The following CA10 variants were observed in gnomAD, a reference collection of about 807,000 sequenced individuals.
The protein encoded by CA10 is carbonic anhydrase-related protein 10.
In CA10, 14 loss-of-function variants were observed where a neutral mutation model predicts 44.2. The ratio of observed to expected loss-of-function variants is 0.32; its 90% CI spans 0.21 to 0.50. CA10 has a LOEUF of 0.50. Ranked by LOEUF, CA10 falls within the 20% of genes least tolerant of loss-of-function variation. The pLI, the probability that CA10 is intolerant of heterozygous loss-of-function variation, is 0.99. For missense variants in CA10, 350 were observed against 409.7 expected, an observed-to-expected ratio of 0.85 and a Z score of 1.26; for synonymous variants, 159 against 141.6, an observed-to-expected ratio of 1.12 and a Z score of -0.87.
At chr17:52,027,424 C>A (rs1473897435) in intron 2 of CA10, among the ~76,000 whole-genome samples, 1 of 152,132 alleles carries the variant, frequency 6.6e-6, no homozygotes. Context: ...GACTGGCTTT[C>A]TTCTTGGAAT....
chr17:51,712,274 A>G (rs1434658809), intron 4 of CA10, among the ~76,000 whole-genome samples: 1 of 152,200 alleles, frequency 6.6e-6, no homozygotes, highest in African/African-American at 2.4e-5. Context: ...CTTGAGGTTC[A>G]GTCCCATCAG....
intron 3 of CA10, among the ~76,000 whole-genome samples, chr17:51,784,730 G>A (rs1906194662): frequency 6.6e-6 from 1 of 152,198 alleles, no homozygotes; most frequent in Non-Finnish European, 1.5e-5. Flanking sequence ...ATCACATCAT[G>A]GAGAACGGAG....
Position 52,040,070 on chromosome 17 carries a change from G to A in CA10, c.136+32249C>T, listed in dbSNP as rs142895965. Among the ~76,000 whole-genome samples, 21 of 151,964 alleles carry A rather than the reference G, an allele frequency of 1.4e-4. No homozygotes were observed. The East Asian group carries it at 4.1e-3, about 30-fold the overall frequency. On this transcript the variant is annotated intron_variant, in intron 2 of 8. Transcript: ENST00000451037. ...TGAAGGAGTGGGCAAATGGCTATCA[G>A]TTGGAGATGATATAGCTGGGAAGTA...
intron 4 of CA10, among the ~76,000 whole-genome samples, chr17:51,690,556 G>T (rs1371712036): frequency 1.3e-5 from 2 of 152,150 alleles, no homozygotes; most frequent in African/African-American, 2.4e-5. Flanking sequence ...GAATCATGGG[G>T]ATGGGTATTC....
intron 3 of CA10, among the ~76,000 whole-genome samples, chr17:51,764,418 C>T (rs1006659093): frequency 3.3e-5 from 5 of 152,332 alleles, no homozygotes; most frequent in African/African-American, 9.6e-5. Context: ...CCATGTCCCA[C>T]TATGAGAAAT....
chr17:51,990,887 A>G (rs1178829850), intron 2 of CA10, among the ~76,000 whole-genome samples: 1 of 152,108 alleles, frequency 6.6e-6, no homozygotes, highest in Non-Finnish European at 1.5e-5. Context: ...AACCACTTGT[A>G]TCATAGATGG....
At chr17:51,853,515 C>T (rs571594962) in intron 3 of CA10, among the ~76,000 whole-genome samples, 41 of 152,212 alleles carry the variant, frequency 2.7e-4, no homozygotes, top group Non-Finnish European at 4.1e-4. Context: ...GAGGCACTTG[C>T]CCATGATGTT....
intron 2 of CA10, among the ~76,000 whole-genome samples, chr17:51,995,986 C>T (rs534848021): frequency 3.3e-5 from 5 of 152,044 alleles, no homozygotes; most frequent in Non-Finnish European, 7.4e-5. Flanking sequence ...CAAAAGCCTG[C>T]CATCCATGCA....
chr17:52,065,599 G>C (rs746332037), intron 2 of CA10, among the ~76,000 whole-genome samples: 3 of 152,140 alleles, frequency 2.0e-5, no homozygotes, highest in Non-Finnish European at 4.4e-5. Flanking sequence ...CTCTGACTTT[G>C]AATTCTGTAA....
intron 2 of CA10, among the ~76,000 whole-genome samples, chr17:52,008,412 G>A (rs571279274): frequency 3.8e-4 from 58 of 151,884 alleles, no homozygotes; most frequent in African/African-American, 1.3e-3. Flanking sequence ...AATCACTAGG[G>A]AATGGGGTGC....
At chr17:52,133,660 T>A (rs1365118111) in intron 1 of CA10, among the ~76,000 whole-genome samples, 1 of 152,216 alleles carries the variant, frequency 6.6e-6, no homozygotes, top group East Asian at 1.9e-4. Flanking sequence ...AAAGTTCACC[T>A]CCTTTAGACA....
chr17:51,818,732 T>C (rs935633846), intron 3 of CA10, among the ~76,000 whole-genome samples: 4 of 152,190 alleles, frequency 2.6e-5, no homozygotes, highest in Admixed American at 2.0e-4. Context: ...AAGACCTGGG[T>C]TTCCATGGTG....
intron 3 of CA10, among the ~76,000 whole-genome samples, chr17:51,768,948 C>T (rs1365018475): frequency 6.6e-6 from 1 of 152,154 alleles, no homozygotes; most frequent in Non-Finnish European, 1.5e-5. Flanking sequence ...GAAAAAAACA[C>T]AGTATTTCTT....
chr17:51,870,130 T>G (rs1233650852), intron 3 of CA10, among the ~76,000 whole-genome samples: 2 of 152,240 alleles, frequency 1.3e-5, no homozygotes, highest in South Asian at 2.1e-4. Context: ...TAGCCTCTCC[T>G]TATAAGGATG....
rs185853501 is a variant in CA10 at position 51,690,228 on chromosome 17, G to A, written c.466-36492C>T. Among the ~76,000 whole-genome samples, 160 of 152,290 alleles carry A rather than the reference G, an allele frequency of 1.1e-3. 2 individuals carry two copies. The East Asian group carries it at 0.011, about 10-fold the overall frequency. ...CTCCCAAAGTGCTGGGATTACAGGCGTGAGCCACCATGCCTCGGCCCCTCT... is the reference window on the plus strand; with the variant it reads ...CTCCCAAAGTGCTGGGATTACAGGCATGAGCCACCATGCCTCGGCCCCTCT... On this transcript the variant is annotated intron_variant, in intron 4 of 8. Transcript: ENST00000451037.
intron 2 of CA10, among the ~76,000 whole-genome samples, chr17:51,977,764 T>G (rs533047706): frequency 6.6e-6 from 1 of 152,116 alleles, no homozygotes; most frequent in Non-Finnish European, 1.5e-5. Flanking sequence ...GACACTGTGA[T>G]TGTGAACACA....
chr17:51,960,549 G>T (rs1051349310), intron 2 of CA10, among the ~76,000 whole-genome samples: 1 of 151,962 alleles, frequency 6.6e-6, no homozygotes, highest in Non-Finnish European at 1.5e-5. Flanking sequence ...AAATGACAAC[G>T]TATTTTAGTG....
intron 1 of CA10, among the ~76,000 whole-genome samples, chr17:52,139,795 A>G (rs1359814070): frequency 6.6e-6 from 1 of 152,172 alleles, no homozygotes; most frequent in African/African-American, 2.4e-5. Flanking sequence ...AGAGATGGAT[A>G]AGAAGTCCCT....
intron 4 of CA10, among the ~76,000 whole-genome samples, chr17:51,743,390 G>T (rs1018175223): frequency 1.3e-5 from 2 of 152,124 alleles, no homozygotes; most frequent in African/African-American, 4.8e-5. Flanking sequence ...CAAGCTAAGG[G>T]TCTTACTTAT....
Sources: allele counts gnomAD v4.1 joint callset (sites outside exome capture counted in the v4.1 genomes callset), GRCh38; gene constraint gnomAD v4.1.1; transcripts MANE v1.5; gene names NCBI Gene and HGNC (gene_info 2026-07-23, HGNC 2026-07-21).